AP3D1: variants seen among roughly 807,000 people sequenced by gnomAD.
The protein encoded by AP3D1 is AP-3 complex subunit delta-1.
AP3D1 carries 51 observed loss-of-function variants against 147.6 expected under a neutral mutation model. That is an observed-to-expected ratio of 0.35 (90% CI 0.28 to 0.44). The LOEUF is 0.44. Among genes scored for constraint, AP3D1 ranks in the 20% least tolerant of loss-of-function variants. The pLI, the probability that AP3D1 is intolerant of heterozygous loss-of-function variation, is 1.00. For missense variants in AP3D1, 1,421 were observed against 1,624.2 expected, an observed-to-expected ratio of 0.87 and a Z score of 2.15; for synonymous variants, 760 against 663.0, an observed-to-expected ratio of 1.15 and a Z score of -2.25.
intron 15 of AP3D1, among the ~76,000 whole-genome samples, chr19:2,117,673 G>A (rs112620027): frequency 9.2e-5 from 14 of 152,344 alleles, no homozygotes; most frequent in Non-Finnish European, 1.5e-4. Context: ...CTCGGCCCCC[G>A]CGGGCTCCCC....
At chr19:2,129,547 G>A in intron 6 of AP3D1, 90 bp from the exon 7 acceptor site, 4 of 1,452,324 alleles carry the variant, frequency 2.8e-6, no homozygotes, top group Admixed American at 2.4e-5. Context: ...AAGTTCTGGG[G>A]CCTGCAGCAG....
At chr19:2,146,611 A>T (rs75464531) in intron 1 of AP3D1, among the ~76,000 whole-genome samples, 1 of 151,254 alleles carries the variant, frequency 6.6e-6, no homozygotes, top group Non-Finnish European at 1.5e-5. Context: ...CTGTCTCAAA[A>T]AAAAAAAAAA....
intron 9 of AP3D1, 99 bp downstream of exon 9, chr19:2,127,053 G>C: frequency 7.7e-7 from 1 of 1,299,346 alleles, no homozygotes; most frequent in Non-Finnish European, 1.1e-6. Context: ...CAGCAGGGGT[G>C]GCGCTCGGAG....
At chr19:2,106,099 AAAG>A (rs1437490675) in intron 31 of AP3D1, among the ~76,000 whole-genome samples, 2 of 152,226 alleles carry the variant, frequency 1.3e-5, no homozygotes, top group East Asian at 3.9e-4. Flanking sequence ...TCTCAAAAAA[AAAG>A]AATGGCTGCT....
upstream of AP3D1, among the ~76,000 whole-genome samples, chr19:2,152,907 G>A (rs151333633): frequency 2.8e-4 from 42 of 152,028 alleles, 1 homozygote; most frequent in African/African-American, 9.9e-4. Context: ...AAAAACTGGG[G>A]TAAGATATTT....
chr19:2,109,641 T>G lies in AP3D1; in HGVS notation c.3350+232A>C, dbSNP rs147320582. On this transcript the variant is annotated intron_variant, in intron 29 of 31. Coordinates refer to ENST00000643116, the MANE Select transcript of AP3D1 (RefSeq NM_001261826.3). Reference sequence around the variant, plus strand: ...TCTCACCCCTCCAGCCTTCAGGACTTCCAGGGGCCTGGACCTCTATGGGTG... The same window carrying G: ...TCTCACCCCTCCAGCCTTCAGGACTGCCAGGGGCCTGGACCTCTATGGGTG... 141 of 554,668 alleles carry G rather than the reference T, an allele frequency of 2.5e-4. No homozygotes were observed. In the East Asian group the frequency reaches 4.1e-3, roughly 16 times the overall value. 34.4% of individuals were successfully genotyped at this position (554,668 alleles called of 1,614,324 possible). A position where few individuals can be genotyped will look rare whatever the true frequency, so the allele number is the denominator to read the frequency against.
Position 2,114,908 on chromosome 19 carries a change from C to T in AP3D1, c.2350-87G>A, listed in dbSNP as rs556150625. The T allele has an allele frequency of 1.6e-5, 22 of 1,419,140 alleles. No homozygotes were observed. In the African/African-American group the frequency reaches 2.8e-4, roughly 18 times the overall value. 87.9% of individuals were successfully genotyped at this position (1,419,140 alleles called of 1,614,324 possible). ...CTATCTGGGACGCAGTGGGACTGCCCATGCGGGCCACACGCACAGGTGGGC... is the reference window on the plus strand; with the variant it reads ...CTATCTGGGACGCAGTGGGACTGCCTATGCGGGCCACACGCACAGGTGGGC... On this transcript the variant is annotated intron_variant, in intron 20 of 31. Transcript: ENST00000643116.
chr19:2,155,960 G>A (rs1192766160), upstream of AP3D1, among the ~76,000 whole-genome samples: 1 of 151,650 alleles, frequency 6.6e-6, no homozygotes, highest in African/African-American at 2.4e-5. Flanking sequence ...GGCTGAGGCA[G>A]GAGAATGGCG....
chr19:2,121,565 GGAA>G (rs762725044), intron 12 of AP3D1, among the ~76,000 whole-genome samples, 166 bp downstream of exon 12: 28 of 152,220 alleles, frequency 1.8e-4, no homozygotes, highest in Non-Finnish European at 4.0e-4. Flanking sequence ...CACAGGCCCT[GGAA>G]GACAGGCATG....
At chr19:2,150,726 G>C (rs1329584438) in intron 1 of AP3D1, among the ~76,000 whole-genome samples, 7 of 152,216 alleles carry the variant, frequency 4.6e-5, no homozygotes, top group Non-Finnish European at 1.0e-4. Context: ...CTCCAGGGAC[G>C]GCCCAGGACC....
At chr19:2,140,551 C>G (rs2019193035) in intron 1 of AP3D1, among the ~76,000 whole-genome samples, 2 of 151,736 alleles carry the variant, frequency 1.3e-5, no homozygotes, top group South Asian at 2.1e-4. Flanking sequence ...TCACTGCTCA[C>G]TGCAGCCTCC....
chr19:2,154,308 C>G (rs2019628173), upstream of AP3D1, among the ~76,000 whole-genome samples: 1 of 142,776 alleles, frequency 7.0e-6, no homozygotes, highest in East Asian at 2.0e-4. Context: ...TTGAGACAGT[C>G]TCATTCTGTC....
Position 2,120,810 on chromosome 19 carries a change from C to T in AP3D1, c.1481+52G>A, listed in dbSNP as rs72983439. 4.2e-3 allele frequency: 6,461 copies of T among 1,548,892 alleles called. 24 individuals are homozygous for T. The highest frequency in any genetic ancestry group is 5.8e-3 in the Middle Eastern group (29 of 4,980). ...CTGCCAGGCACATCCCTGGTCCCTA[C>T]CCCTCAGAAGCTTGGAGAAGCTGCC... On this transcript the variant is annotated intron_variant, in intron 14 of 31. Coordinates refer to ENST00000643116, the MANE Select transcript of AP3D1 (RefSeq NM_001261826.3).
chr19:2,162,873 A>AG (rs1022732084), intron 1 of AP3D1, among the ~76,000 whole-genome samples: 3 of 151,618 alleles, frequency 2.0e-5, no homozygotes, highest in African/African-American at 7.3e-5. Context: ...CTGGGCAGGG[A>AG]GGGTGTTGGT....
intron 4 of AP3D1, 75 bp from the exon 5 acceptor site, chr19:2,132,653 G>C (rs2145121922): frequency 1.5e-6 from 2 of 1,340,794 alleles, no homozygotes; most frequent in Non-Finnish European, 2.1e-6. Context: ...ACCAGGAGCA[G>C]CAGGAGCGAA....
At chr19:2,130,310 A>T in intron 6 of AP3D1, 98 bp downstream of exon 6, 1 of 1,542,282 alleles carries the variant, frequency 6.5e-7, no homozygotes, top group Non-Finnish European at 8.8e-7. Flanking sequence ...GCCCTTCACC[A>T]CTCCCCGCAG....
chr19:2,132,440 G>A, intron 5 of AP3D1, 31 bp downstream of exon 5: 1 of 1,564,176 alleles, frequency 6.4e-7, no homozygotes. Context: ...GAGCAGACAT[G>A]CAGGGGTGGT....
intron 31 of AP3D1, among the ~76,000 whole-genome samples, chr19:2,105,308 GT>G (rs1327522188): frequency 6.6e-6 from 1 of 152,240 alleles, no homozygotes; most frequent in Non-Finnish European, 1.5e-5. Context: ...ACTGTGACAT[GT>G]TCATAATGGC....
At chr19:2,121,118 C>T (rs773133508) in intron 13 of AP3D1, 26 bp from the exon 14 acceptor site, 15 of 1,613,358 alleles carry the variant, frequency 9.3e-6, no homozygotes, top group Non-Finnish European at 1.2e-5. Flanking sequence ...GGTGAGTGAG[C>T]GGCGCCACGG....
Sources: gnomAD v4.1 joint callset for allele counts (sites outside exome capture counted in the v4.1 genomes callset) on GRCh38, gnomAD v4.1.1 for gene constraint, MANE v1.5 for transcripts, NCBI Gene and HGNC (gene_info 2026-07-23, HGNC 2026-07-21) for gene names.